The following DNAH10 variants were observed in gnomAD, a reference collection of about 807,000 sequenced individuals.
DNAH10 encodes dynein axonemal heavy chain 10.
In DNAH10, 348 loss-of-function variants were observed where a neutral mutation model predicts 506.6. That is an observed-to-expected ratio of 0.69 (90% confidence interval 0.63 to 0.75). The LOEUF is 0.75. Among genes scored for constraint, DNAH10 ranks in the 30% least tolerant of loss-of-function variants. DNAH10 has a pLI of 0.00. For missense variants in DNAH10, 5,179 were observed against 5,787.1 expected, an observed-to-expected ratio of 0.89 and a Z score of 3.41; for synonymous variants, 2,059 against 2,198.6, an observed-to-expected ratio of 0.94 and a Z score of 1.78.
chr12:123,805,004 A>G lies in DNAH10; in HGVS notation c.2951A>G (p.Lys984Arg), dbSNP rs372858310. 1 of 1,614,226 alleles carries G rather than the reference A, an allele frequency of 6.2e-7. No homozygotes were observed. The highest frequency in any genetic ancestry group is 8.5e-7 in the Non-Finnish European group (1 of 1,180,046). ...GCCTCCTACTACAAATACTGGGAAA[A>G]GAAAATTTATGAGGTCCTGACAAAG... ...KLASYYKYWE[K>R]KIYEVLTKLI... Residue 984 changes from lysine to arginine, a missense_variant, in exon 18 of 79, where the codon AAG becomes AGG. By Grantham distance (26) the Lys-to-Arg change is conservative. Around this residue, in one of 3 missense-constraint regions of DNAH10, gnomAD observed 4,844 missense variants for 5,430.5 expected, o/e 0.89. Coordinates refer to ENST00000673944, the MANE Select transcript of DNAH10 (RefSeq NM_001372106.1).
At chr12:123,920,171 T>C (rs12317176) in intron 65 of DNAH10, among the ~76,000 whole-genome samples, 57,869 of 152,114 alleles carry the variant, frequency 0.38, 11,870 homozygotes, top group African/African-American at 0.53. Flanking sequence ...TGGCAATGAT[T>C]AGCTCTGGAT....
intron 65 of DNAH10, among the ~76,000 whole-genome samples, chr12:123,921,367 A>G (rs959504345): frequency 6.6e-6 from 1 of 152,234 alleles, no homozygotes; most frequent in Admixed American, 6.5e-5. Context: ...AGTACGGTTT[A>G]CCCTCAACTA....
chr12:123,927,055 CTTTT>C (rs1954977856), intron 69 of DNAH10: 1 of 544,522 alleles, frequency 1.8e-6, no homozygotes, highest in African/African-American at 1.9e-5. Flanking sequence ...TTTTTCTTTT[CTTTT>C]TGAGACAGGG....
chr12:123,935,025 G>A (rs1464105344), intron 78 of DNAH10: 31 of 606,450 alleles, frequency 5.1e-5, no homozygotes, highest in African/African-American at 1.8e-5. Context: ...ACTAACCAAG[G>A]GGAGACTCCC....
Position 123,840,473 on chromosome 12 carries a change from C to T in DNAH10, c.5137-849C>T, listed in dbSNP as rs558719597. 6.1e-5 allele frequency among the ~76,000 whole-genome samples: 8 copies of T among 131,362 alleles called. No individual in the cohort carries two copies. In the South Asian group the frequency reaches 2.2e-3, roughly 36 times the overall value. The allele number at this position is 131,362 out of a possible 152,430, so 86.2% of individuals were successfully genotyped here. A position where few individuals can be genotyped will look rare whatever the true frequency, so the allele number is the denominator to read the frequency against. On this transcript the variant is annotated intron_variant, in intron 29 of 78. Coordinates refer to ENST00000673944, the MANE Select transcript of DNAH10 (RefSeq NM_001372106.1). ...AGGTTGGAGTGCAGTGGTGTGATCACAGCTCATTGCAGCCTCTACCTCCTG... is the reference window on the plus strand; with the variant it reads ...AGGTTGGAGTGCAGTGGTGTGATCATAGCTCATTGCAGCCTCTACCTCCTG...
intron 25 of DNAH10, among the ~76,000 whole-genome samples, chr12:123,828,311 C>T (rs1177354302): frequency 6.6e-6 from 1 of 152,070 alleles, no homozygotes; most frequent in African/African-American, 2.4e-5. Context: ...GAAAGAAACA[C>T]AAAAGGTGGC....
At chr12:123,851,645 G>A (rs1951181514) in intron 35 of DNAH10, among the ~76,000 whole-genome samples, 1 of 152,238 alleles carries the variant, frequency 6.6e-6, no homozygotes, top group Admixed American at 6.5e-5. Context: ...CTCAGGTGTA[G>A]ACGTTGTGTG....
chr12:123,762,967 G>A lies in DNAH10; in HGVS notation c.214+417G>A, dbSNP rs1460429060. 6.6e-6 allele frequency among the ~76,000 whole-genome samples: 1 copy of A among 152,146 alleles called. No homozygotes were observed. The highest frequency in any genetic ancestry group is 1.5e-5 in the Non-Finnish European group (1 of 68,032). On this transcript the variant is annotated intron_variant, in intron 1 of 78. Transcript: ENST00000673944. This position sits in a 1 kb window ranked among gnomAD's most constrained non-coding sequence, Gnocchi z 5.0. The stretch of plus-strand genomic sequence containing the variant: ...GTCAAGATCCACTGTGCAATAATCC[G>A]AACGGCTGGGTAGAGCCATGCCCAG...
rs1951738155 is a variant in DNAH10, at chr12:123,864,734, A to G, written c.7044+4A>G. 1 of 1,597,962 alleles carries G rather than the reference A, an allele frequency of 6.3e-7. No homozygotes were observed. Among genetic ancestry groups the G allele is most frequent in the Non-Finnish European group, 8.5e-7 (1 of 1,174,870 alleles). On this transcript the variant is annotated splice_donor_region_variant and intron_variant, in intron 40 of 78. Transcript: ENST00000673944. ...ACACTGTGCCCTGCTCTTTGAGGCAAGTAGTGATTAAAAGTAAATTTGAAC... is the reference window on the plus strand; with the variant it reads ...ACACTGTGCCCTGCTCTTTGAGGCAGGTAGTGATTAAAAGTAAATTTGAAC...
intron 28 of DNAH10, among the ~76,000 whole-genome samples, chr12:123,837,440 G>T (rs1961280906): frequency 6.6e-6 from 1 of 151,640 alleles, no homozygotes; most frequent in South Asian, 2.1e-4. Context: ...AAAAAGAAAG[G>T]AAGAAAAAAA....
intron 28 of DNAH10, among the ~76,000 whole-genome samples, chr12:123,836,639 C>T (rs980072447): frequency 5.3e-5 from 8 of 152,286 alleles, no homozygotes; most frequent in African/African-American, 1.9e-4. Flanking sequence ...GTGGCCAGTT[C>T]ATGTTTTGAT....
At position 123,893,439 on chromosome 12, in the gene DNAH10, A is replaced by T; in HGVS notation, c.9199+3A>T. 6.2e-7 allele frequency: 1 copy of T among 1,612,134 alleles called. No individual in the cohort carries two copies. The highest frequency in any genetic ancestry group is 2.2e-5 in the East Asian group (1 of 44,866). On this transcript the variant is annotated splice_donor_region_variant and intron_variant, in intron 53 of 78. Transcript: ENST00000673944. ...GACCTGGTGCAGAAACTTCCCAGGT[A>T]CCCGCGGTGGAGCCTGTGAACCCAT...
intron 64 of DNAH10, among the ~76,000 whole-genome samples, chr12:123,918,017 C>G (rs1167623221): frequency 6.6e-6 from 1 of 152,140 alleles, no homozygotes; most frequent in Admixed American, 6.5e-5. Context: ...CTCTTTAAAT[C>G]GAGAGTGATA....
At chr12:123,816,031 C>G in intron 21 of DNAH10, among the ~76,000 whole-genome samples, 1 of 152,216 alleles carries the variant, frequency 6.6e-6, no homozygotes, top group East Asian at 1.9e-4. Context: ...GACAAAAGAC[C>G]AATGACTGTC....
chr12:123,815,684 G>C (rs1198859285), intron 21 of DNAH10, among the ~76,000 whole-genome samples: 3 of 152,162 alleles, frequency 2.0e-5, no homozygotes, highest in African/African-American at 7.2e-5. Flanking sequence ...GAAATATACA[G>C]TTGTGTATAT....
rs1046908647 is a variant in DNAH10, at chr12:123,916,954, G to A, written c.11002+218G>A. 9.9e-5 allele frequency among the ~76,000 whole-genome samples: 15 copies of A among 152,170 alleles called. No homozygotes were observed. Among genetic ancestry groups the A allele is most frequent in the Admixed American group, 6.5e-4 (10 of 15,284 alleles). On this transcript the variant is annotated intron_variant, in intron 63 of 78. Coordinates refer to ENST00000673944, the MANE Select transcript of DNAH10 (RefSeq NM_001372106.1). The surrounding 1 kb of genome is among the most constrained non-coding windows in gnomAD (Gnocchi z 4.6). ...GAGTCACGCTGAGACGGGGCCGTGG[G>A]CTTATGTGTTCACACATGGGGTGGG...
Position 123,898,688 on chromosome 12 carries a change from C to G in DNAH10, c.9514C>G (p.Leu3172Val). Residue 3172 changes from leucine (L) to valine (V), a missense_variant, in exon 56 of 79, where the codon CTG (leucine) becomes GTG (valine). Leu to Val is a conservative substitution (Grantham distance 32). This residue lies in a region of DNAH10 where 4,844 missense variants were observed against 5,430.5 expected (regional missense o/e 0.89). Transcript: ENST00000673944. Reference sequence around the variant, plus strand: ...GCGTCTGGATGGGGGACTGGACAAGCTGAAGGAGGCCACCATCCAGCTGGA... The same window carrying G: ...GCGTCTGGATGGGGGACTGGACAAGGTGAAGGAGGCCACCATCCAGCTGGA... ...CKRLDGGLDK[L>V]KEATIQLDEL... The G allele has an allele frequency of 6.3e-7, 1 of 1,597,440 alleles. No individual in the cohort carries two copies. Among genetic ancestry groups the G allele is most frequent in the Non-Finnish European group, 8.5e-7 (1 of 1,172,332 alleles).
chr12:123,853,529 T>C lies in DNAH10; in HGVS notation c.6438+177T>C, dbSNP rs1951257584. ...TCTTACCTGTTGTATCGTTTGCTTGTAATTACACTTAGTACCTTAAGGTCA... is the reference window on the plus strand; with the variant it reads ...TCTTACCTGTTGTATCGTTTGCTTGCAATTACACTTAGTACCTTAAGGTCA... On this transcript the variant is annotated intron_variant, in intron 36 of 78. Transcript: ENST00000673944. This position sits in a 1 kb window ranked among gnomAD's most constrained non-coding sequence, Gnocchi z 4.7. Among the ~76,000 whole-genome samples the C allele has an allele frequency of 6.6e-6, 1 of 152,206 alleles. No individual in the cohort carries two copies.
At chr12:123,884,923 T>A (rs111419316) in intron 51 of DNAH10, among the ~76,000 whole-genome samples, 141 of 152,316 alleles carry the variant, frequency 9.3e-4, no homozygotes, top group African/African-American at 3.1e-3. Flanking sequence ...TTTCTTTTTT[T>A]AAATTATTTT....
Sources: gnomAD v4.1 joint callset for allele counts (sites outside exome capture counted in the v4.1 genomes callset) on GRCh38, gnomAD v4.1.1 for gene constraint, gnomAD v4.1.1 regional missense constraint, Gnocchi (gnomAD v3.1) non-coding constraint, MANE v1.5 for transcripts, NCBI Gene and HGNC (gene_info 2026-07-23, HGNC 2026-07-21) for gene names.